The following METTL8 variants were observed in gnomAD, a reference collection of about 807,000 sequenced individuals.
METTL8 encodes tRNA N(3)-cytidine methyltransferase METTL8, mitochondrial.
METTL8 carries 32 observed loss-of-function variants against 48.7 expected under a neutral mutation model. The observed-to-expected ratio is 0.66, with a 90% CI of 0.50 to 0.88. METTL8 has a LOEUF of 0.88. METTL8 is among the 40% of genes least tolerant of loss of function. METTL8 has a pLI of 0.00. For synonymous variants in METTL8, 136 were observed against 157.1 expected (o/e 0.87, Z 1.01); for missense variants, 464 against 474.4 (o/e 0.98, Z 0.20).
chr2:171,325,918 T>C lies in METTL8; in HGVS notation c.968-12A>G. ...AGATAAACAATGTCCTGAAAAAAAT[T>C]GTGAAAAGAGAAACTCTTAAGGGTA... On this transcript the variant is annotated splice_polypyrimidine_tract_variant and intron_variant, in intron 8 of 9. Transcript: ENST00000375258. 2 of 1,574,776 alleles carry C rather than the reference T, an allele frequency of 1.3e-6. No homozygotes were observed. The highest frequency in any genetic ancestry group is 8.7e-7 in the Non-Finnish European group (1 of 1,150,024).
At chr2:171,336,863 C>CTTTTTTT (rs71013037) in intron 5 of METTL8, among the ~76,000 whole-genome samples, 11 of 88,112 alleles carry the variant, frequency 1.2e-4, no homozygotes, top group Non-Finnish European at 1.5e-4. Context: ...ATCACTTCCT[C>CTTTTTTT]TTTTTTTTTT....
chr2:171,356,952 A>ATATTTTTTTTTTT, intron 3 of METTL8, among the ~76,000 whole-genome samples: 5 of 78,488 alleles, frequency 6.4e-5, no homozygotes, highest in African/African-American at 1.8e-4. Flanking sequence ...CAAAGACAAT[A>ATATTTTTTTTTTT]TTTTTTTTTT....
intron 3 of METTL8, among the ~76,000 whole-genome samples, chr2:171,355,907 T>A (rs537703076): frequency 1.6e-4 from 24 of 152,076 alleles, no homozygotes; most frequent in Non-Finnish European, 1.5e-4. Context: ...CCGGAACCCT[T>A]GCGCTTCCCG....
rs35200087 is a variant in METTL8 at position 171,323,226 on chromosome 2, C to CTTTTTTTTTTTTTTTTTTTTTTTTTTTT, written c.*945_*946insAAAAAAAAAAAAAAAAAAAAAAAAAAAA. ...TACAAGAGCTTGTCAGCTTACATACCTTTTTTTTTTTTTTTTTTTTTTTTG... is the reference window on the plus strand; with the variant it reads ...TACAAGAGCTTGTCAGCTTACATACCTTTTTTTTTTTTTTTTTTTTTTTTTTTTTTTTTTTTTTTTTTTTTTTTTTTTG... On this transcript the variant is annotated 3_prime_UTR_variant, in exon 10 of 10. Transcript: ENST00000375258. The CTTTTTTTTTTTTTTTTTTTTTTTTTTTT allele has an allele frequency of 1.4e-5, 1 of 69,356 alleles. No individual in the cohort carries two copies. Among genetic ancestry groups the CTTTTTTTTTTTTTTTTTTTTTTTTTTTT allele is most frequent in the Non-Finnish European group, 2.5e-5 (1 of 40,322 alleles). 4.3% of individuals were successfully genotyped at this position (69,356 alleles called of 1,614,324 possible).
chr2:171,400,216 T>C (rs947046664), intron 1 of METTL8, among the ~76,000 whole-genome samples: 2 of 152,134 alleles, frequency 1.3e-5, no homozygotes, highest in Admixed American at 1.3e-4. Context: ...TAAAAATTGA[T>C]AGAGATTCAA....
chr2:171,397,533 G>A (rs1272333282), intron 1 of METTL8, among the ~76,000 whole-genome samples: 28 of 120,530 alleles, frequency 2.3e-4, no homozygotes, highest in Non-Finnish European at 3.3e-4. Context: ...CATTCTGGGC[G>A]ACAGAGCAAA....
intron 1 of METTL8, among the ~76,000 whole-genome samples, chr2:171,425,469 C>G (rs1043597987): frequency 6.6e-6 from 1 of 152,158 alleles, no homozygotes; most frequent in African/African-American, 2.4e-5. Context: ...GAGAGACATT[C>G]TCCTATTTGC....
At chr2:171,378,413 C>A (rs1308557757) in intron 2 of METTL8, among the ~76,000 whole-genome samples, 1 of 152,152 alleles carries the variant, frequency 6.6e-6, no homozygotes, top group Non-Finnish European at 1.5e-5. Context: ...GTGGGTGGAT[C>A]ATGAGGTCAG....
At chr2:171,353,849 G>C (rs568642449) in intron 3 of METTL8, among the ~76,000 whole-genome samples, 2 of 152,068 alleles carry the variant, frequency 1.3e-5, no homozygotes, top group African/African-American at 2.4e-5. Flanking sequence ...GAGCCTATGT[G>C]TGTCTCTGCA....
chr2:171,412,749 C>A (rs908896871), intron 1 of METTL8, among the ~76,000 whole-genome samples: 1 of 150,646 alleles, frequency 6.6e-6, no homozygotes, highest in South Asian at 2.1e-4. Context: ...GGCAGTTTCA[C>A]GTAAGCATTT....
chr2:171,365,448 G>C (rs923198512), intron 2 of METTL8, among the ~76,000 whole-genome samples: 11 of 152,110 alleles, frequency 7.2e-5, no homozygotes, highest in Admixed American at 3.3e-4. Flanking sequence ...CGAAGAGCTT[G>C]TAAACCAATA....
At chr2:171,342,396 T>C (rs1459742424) in intron 3 of METTL8, among the ~76,000 whole-genome samples, 1 of 152,270 alleles carries the variant, frequency 6.6e-6, no homozygotes, top group Non-Finnish European at 1.5e-5. Flanking sequence ...AACCTATTTA[T>C]GGTTGATCTG....
chr2:171,384,798 C>T (rs2105541588), intron 2 of METTL8, among the ~76,000 whole-genome samples: 2 of 152,240 alleles, frequency 1.3e-5, no homozygotes. Flanking sequence ...TGCCACTGCA[C>T]TCCAGTCTAG....
Position 171,357,512 on chromosome 2 carries a change from T to C in METTL8, c.235+2910A>G, listed in dbSNP as rs189244691. Among the ~76,000 whole-genome samples, 287 of 152,222 alleles carry C rather than the reference T, an allele frequency of 1.9e-3. 5 individuals are homozygous for C. The highest frequency in any genetic ancestry group is 0.018 in the Admixed American group (268 of 15,282). ...ATCTATACAGGAAAACTATAAAATA[T>C]TCTTAAAAGAAATTAAAAAGGACAT... On this transcript the variant is annotated intron_variant, in intron 3 of 9. Coordinates refer to ENST00000375258, the MANE Select transcript of METTL8 (RefSeq NM_001321154.2).
At chr2:171,399,171 C>T (rs1271939005) in intron 1 of METTL8, among the ~76,000 whole-genome samples, 1 of 152,094 alleles carries the variant, frequency 6.6e-6, no homozygotes, top group African/African-American at 2.4e-5. Flanking sequence ...TAGGGCCATG[C>T]CCCTATGAGA....
At chr2:171,382,034 G>T (rs574236863) in intron 2 of METTL8, among the ~76,000 whole-genome samples, 1 of 152,098 alleles carries the variant, frequency 6.6e-6, no homozygotes, top group Non-Finnish European at 1.5e-5. Flanking sequence ...CGCCCACCTT[G>T]GCCTCCCAAA....
rs779027506 is a variant in METTL8 at position 171,319,808 on chromosome 2, A to C, written c.*4364T>G. The C allele has an allele frequency of 1.3e-5, 2 of 152,228 alleles. No homozygotes were observed. The highest frequency in any genetic ancestry group is 2.9e-5 in the Non-Finnish European group (2 of 68,044). 9.4% of individuals were successfully genotyped at this position (152,228 alleles called of 1,614,324 possible). On this transcript the variant is annotated 3_prime_UTR_variant, in exon 10 of 10. Coordinates refer to ENST00000375258, the MANE Select transcript of METTL8 (RefSeq NM_001321154.2). The stretch of plus-strand genomic sequence containing the variant: ...GAATTTTTACATTTGGACGATGCTC[A>C]AAAGTGAATTTTTAGAAATGGAGAA...
chr2:171,329,321 C>A (rs1685283494), intron 7 of METTL8, among the ~76,000 whole-genome samples: 1 of 152,208 alleles, frequency 6.6e-6, no homozygotes, highest in South Asian at 2.1e-4. Context: ...CAATTCAAAT[C>A]ATGAGAAAAT....
At position 171,316,773 on chromosome 2, in the gene METTL8, T is replaced by C. The variant is rs1021963911; in HGVS notation, c.*7399A>G. 6.6e-6 allele frequency among the ~76,000 whole-genome samples: 1 copy of C among 152,230 alleles called. No individual in the cohort carries two copies. The highest frequency in any genetic ancestry group is 1.5e-5 in the Non-Finnish European group (1 of 68,040). On this transcript the variant is annotated 3_prime_UTR_variant, in exon 10 of 10. Transcript: ENST00000375258. ...GTATGAGCAATGAGAAAAGCAATTATCCTTGGAGGCAGAAATTTCTTTCTT... is the reference window on the plus strand; with the variant it reads ...GTATGAGCAATGAGAAAAGCAATTACCCTTGGAGGCAGAAATTTCTTTCTT...
Sources: gnomAD v4.1 joint callset for allele counts (sites outside exome capture counted in the v4.1 genomes callset) on GRCh38, gnomAD v4.1.1 for gene constraint, MANE v1.5 for transcripts, NCBI Gene and HGNC (gene_info 2026-07-23, HGNC 2026-07-21) for gene names.